The following CRYAB variants were observed in gnomAD, a reference collection of about 807,000 sequenced individuals.
CRYAB encodes alpha-crystallin B chain.
A neutral mutation model predicts 12.7 loss-of-function variants in CRYAB; 9 were observed. The observed-to-expected ratio is 0.71, with a 90% CI of 0.43 to 1.24. The LOEUF (loss-of-function observed/expected upper bound fraction) is 1.24. CRYAB is among the 50% of genes most tolerant of loss of function. The pLI, the probability that CRYAB is intolerant of heterozygous loss-of-function variation, is 0.00. For synonymous variants in CRYAB, 93 were observed against 86.8 expected, an observed-to-expected ratio of 1.07 and a Z score of -0.40; for missense variants, 183 against 226.6, an observed-to-expected ratio of 0.81 and a Z score of 1.24.
chr11:111,919,085 A>T (rs1965645046), intron 1 of CRYAB: 1 of 1,519,252 alleles, frequency 6.6e-7, no homozygotes, highest in African/African-American at 1.4e-5. Flanking sequence ...GGACCTGGAG[A>T]TAGTTGTCTG....
chr11:111,914,172 A>G, upstream of CRYAB: 1 of 406,982 alleles, frequency 2.5e-6, no homozygotes, highest in Non-Finnish European at 4.4e-6. Context: ...CAGCTAGACA[A>G]AAAGCTCCTC....
chr11:111,908,681 A>G lies in CRYAB; in HGVS notation c.*83T>C. The G allele has an allele frequency of 7.3e-7, 1 of 1,374,260 alleles. No individual in the cohort carries two copies. Among genetic ancestry groups the G allele is most frequent in the South Asian group, 1.2e-5 (1 of 85,212 alleles). 85.1% of individuals were successfully genotyped at this position (1,374,260 alleles called of 1,614,324 possible). On this transcript the variant is annotated 3_prime_UTR_variant, in exon 3 of 3. Coordinates refer to ENST00000650687, the MANE Select transcript of CRYAB (RefSeq NM_001289808.2). ...ATTTGGGCCTGCCCTTAGCATTAAT[A>G]AGCTTCAGCACTAGTCACAAGACTT...
chr11:111,913,910 G>A (rs1555165931), upstream of CRYAB: 2 of 1,584,276 alleles, frequency 1.3e-6, no homozygotes, highest in East Asian at 2.2e-5. Context: ...CACAGACCCA[G>A]CACCCAGCAA....
Position 111,910,308 on chromosome 11 carries a change from A to AAAAAAC in CRYAB, c.324+18_324+19insGTTTTT. 1 of 1,614,016 alleles carries AAAAAAC rather than the reference A, an allele frequency of 6.2e-7. No individual in the cohort carries two copies. Among genetic ancestry groups the AAAAAAC allele is most frequent in the Non-Finnish European group, 8.5e-7 (1 of 1,179,960 alleles). On this transcript the variant is annotated intron_variant, in intron 2 of 2. Transcript: ENST00000650687. ...TGCACTGAATGAATGAGCAGAAAAC[A>AAAAAAC]AAAAAACAAGCTACATACCTGGCGC...
intron 1 of CRYAB, chr11:111,918,957 T>C (rs782251029): frequency 6.2e-7 from 1 of 1,614,122 alleles, no homozygotes; most frequent in Non-Finnish European, 8.5e-7. Context: ...CTGGGCTCCC[T>C]TGGAGACAGA....
chr11:111,913,845 G>A, upstream of CRYAB: 1 of 1,613,784 alleles, frequency 6.2e-7, no homozygotes, highest in African/African-American at 1.3e-5. Context: ...CCTGCTCCCT[G>A]CGCCTCCTGA....
At chr11:111,914,708 T>C (rs1337581410), upstream of CRYAB, among the ~76,000 whole-genome samples, 1 of 152,098 alleles carries the variant, frequency 6.6e-6, no homozygotes, top group Non-Finnish European at 1.5e-5. Context: ...GGGGGAAGTG[T>C]CCAAAAGACC....
intron 2 of CRYAB, 56 bp downstream of exon 2, chr11:111,910,271 A>C (rs1213433681): frequency 1.5e-5 from 24 of 1,609,308 alleles, no homozygotes; most frequent in Non-Finnish European, 1.8e-5. Context: ...CACTACCTGG[A>C]CTATTACAGT....
At chr11:111,913,396 C>G, upstream of CRYAB, 1 of 1,471,954 alleles carries the variant, frequency 6.8e-7, no homozygotes, top group Non-Finnish European at 9.3e-7. Flanking sequence ...CTGTGCCAGC[C>G]TCATCCTCCC....
upstream of CRYAB, chr11:111,914,223 T>C (rs587671356): frequency 2.5e-4 from 63 of 255,532 alleles, no homozygotes; most frequent in African/African-American, 1.6e-4. Flanking sequence ...GAGCTCGCAC[T>C]TGGATGCTGA....
At chr11:111,919,655 T>A (rs1013669405) in intron 1 of CRYAB, among the ~76,000 whole-genome samples, 4 of 152,224 alleles carry the variant, frequency 2.6e-5, no homozygotes, top group Admixed American at 6.5e-5. Context: ...GCCAGACATT[T>A]TACAGTCTCA....
At chr11:111,922,539 T>C (rs12289869) in intron 1 of CRYAB, among the ~76,000 whole-genome samples, 7,086 of 152,278 alleles carry the variant, frequency 0.047, 538 homozygotes, top group African/African-American at 0.16. Context: ...TATTTCCATA[T>C]ATTTTTTAAA....
upstream of CRYAB, chr11:111,913,605 G>T (rs782564961): frequency 6.2e-7 from 1 of 1,614,176 alleles, no homozygotes; most frequent in East Asian, 2.2e-5. Context: ...TACCCCAGAC[G>T]AGGTGACTGT....
At chr11:111,922,405 A>T (rs1175449894) in intron 1 of CRYAB, among the ~76,000 whole-genome samples, 1 of 152,180 alleles carries the variant, frequency 6.6e-6, no homozygotes, top group Non-Finnish European at 1.5e-5. Context: ...AATATTCTTT[A>T]TTGTTATTGT....
rs782230423 is a variant in CRYAB at position 111,918,934 on chromosome 11, T to C, written c.-199+4769A>G. ...ACCCGGAAATGCACAAGCCTCTTGA[T>C]GCATAAAAACAGCTGGGCTCCCTTG... is the stretch of plus-strand genomic sequence containing the variant. On this transcript the variant is annotated intron_variant, in intron 1 of 3. Transcript: ENST00000527950. 2.5e-6 allele frequency: 4 copies of C among 1,613,746 alleles called. No individual in the cohort carries two copies. In the South Asian group the frequency reaches 3.3e-5, roughly 13 times the overall value.
At chr11:111,920,722 C>T (rs1555166485) in intron 1 of CRYAB, among the ~76,000 whole-genome samples, 2 of 152,046 alleles carry the variant, frequency 1.3e-5, no homozygotes, top group African/African-American at 4.8e-5. Context: ...CATGATCACA[C>T]CACTGCACTC....
intron 1 of CRYAB, among the ~76,000 whole-genome samples, chr11:111,921,293 A>G (rs1264530139): frequency 2.0e-5 from 3 of 152,350 alleles, no homozygotes; most frequent in African/African-American, 7.2e-5. Context: ...TAGACACAGA[A>G]GACATAGTAA....
At chr11:111,919,044 G>T (rs782587216) in intron 1 of CRYAB, 1 of 1,611,990 alleles carries the variant, frequency 6.2e-7, no homozygotes, top group Non-Finnish European at 8.5e-7. Flanking sequence ...ATCTATCTCT[G>T]TTGGTGGATG....
upstream of CRYAB, chr11:111,914,026 G>A (rs1555165949): frequency 4.9e-6 from 4 of 824,036 alleles, no homozygotes; most frequent in East Asian, 1.1e-4. Context: ...GTATGGTTTG[G>A]TCCCATGGGA....
Sources: allele counts gnomAD v4.1 joint callset (sites outside exome capture counted in the v4.1 genomes callset), GRCh38; gene constraint gnomAD v4.1.1; transcripts MANE v1.5; gene names NCBI Gene and HGNC (gene_info 2026-07-23, HGNC 2026-07-21).